Variants in TALDO1 observed in about 807,000 individuals in gnomAD.
TALDO1 encodes the protein transaldolase.
In TALDO1, 29 loss-of-function variants were observed where a neutral mutation model predicts 38.1. The ratio of observed to expected loss-of-function variants is 0.76; its 90% CI spans 0.57 to 1.04. The LOEUF (loss-of-function observed/expected upper bound fraction) is 1.04. Ranked by LOEUF, TALDO1 falls within the 50% of genes least tolerant of loss-of-function variation. The pLI is 0.00. For missense variants in TALDO1, 499 were observed against 438.1 expected (o/e 1.14, Z -1.24); for synonymous variants, 207 against 176.8 (o/e 1.17, Z -1.36).
chr11:750,804 G>A (rs1387547904), intron 1 of TALDO1, among the ~76,000 whole-genome samples: 7 of 151,190 alleles, frequency 4.6e-5, no homozygotes, highest in South Asian at 2.1e-4. Flanking sequence ...CAGCCTGGGC[G>A]ACAGAGCGAG....
At chr11:760,099 A>G in intron 3 of TALDO1, 23 bp from the exon 4 acceptor site, 1 of 1,613,244 alleles carries the variant, frequency 6.2e-7, no homozygotes, top group Admixed American at 1.7e-5. Flanking sequence ...ATCTGAGGGG[A>G]TGGGTTCTTC....
At chr11:763,164 G>T (rs1590071380) in intron 4 of TALDO1, among the ~76,000 whole-genome samples, 180 bp from the exon 5 acceptor site, 1 of 143,070 alleles carries the variant, frequency 7.0e-6, no homozygotes, top group Non-Finnish European at 1.6e-5. Context: ...GTGGCTCTGG[G>T]TGGGCACCTG....
rs1356076567 is a variant in TALDO1, at chr11:759,179, A to T, written c.329+122A>T. ...GTCTTCATCCCAAGGGCCCAAGAGG[A>T]GGTTTATTTTGAGCTCTCCCACAGT... On this transcript the variant is annotated intron_variant, in intron 3 of 7. Coordinates refer to ENST00000319006, the MANE Select transcript of TALDO1 (RefSeq NM_006755.2). The T allele has an allele frequency of 1.3e-5, 11 of 837,920 alleles. No homozygotes were observed. The Admixed American group carries it at 2.2e-4, about 17-fold the overall frequency. 51.9% of individuals were successfully genotyped at this position (837,920 alleles called of 1,614,324 possible). A position where few individuals can be genotyped will look rare whatever the true frequency, so the allele number is the denominator to read the frequency against.
At chr11:761,356 AAAG>A (rs1014873062) in intron 4 of TALDO1, among the ~76,000 whole-genome samples, 2 of 151,214 alleles carry the variant, frequency 1.3e-5, no homozygotes, top group Non-Finnish European at 2.9e-5. Context: ...AAAAAAAAGA[AAAG>A]AAAAACTAGC....
intron 4 of TALDO1, among the ~76,000 whole-genome samples, chr11:761,935 A>G (rs1209075133): frequency 6.6e-6 from 1 of 151,832 alleles, no homozygotes; most frequent in Non-Finnish European, 1.5e-5. Context: ...TATAGGCATG[A>G]GCCATTGTGC....
At chr11:759,746 AT>A (rs1433887045) in intron 3 of TALDO1, among the ~76,000 whole-genome samples, 1 of 151,872 alleles carries the variant, frequency 6.6e-6, no homozygotes. Flanking sequence ...TACCCAGCTA[AT>A]TTTTTTGTAT....
intron 1 of TALDO1, among the ~76,000 whole-genome samples, chr11:749,784 G>C (rs1364730422): frequency 6.6e-6 from 1 of 152,216 alleles, no homozygotes; most frequent in Admixed American, 6.5e-5. Flanking sequence ...GACGAAATGG[G>C]CTGTTTTCAG....
rs779192994 is a variant in TALDO1, at chr11:763,419, C to A, written c.537C>A (p.Ala179=). The A allele has an allele frequency of 6.2e-7, 1 of 1,613,398 alleles. No homozygotes were observed. Among genetic ancestry groups the A allele is most frequent in the East Asian group, 2.2e-5 (1 of 44,844 alleles). Reference sequence around the variant, plus strand: ...CCTTCGCCCAGGCTGTGGCCTGTGCCGAGGCGGGTGTGACCCTCATCTCCC... The same window carrying A: ...CCTTCGCCCAGGCTGTGGCCTGTGCAGAGGCGGGTGTGACCCTCATCTCCC... The part of the protein sequence containing the change: ...LFSFAQAVAC[A]EAGVTLISPF... The change falls in exon 5 of 8, where the codon GCC becomes GCA. Residue 179 remains alanine, a synonymous_variant. Transcript: ENST00000319006.
Position 763,350 on chromosome 11 carries a change from CGAG to C in TALDO1, c.472_474del (p.Glu158del). 1 of 1,607,632 alleles carries C rather than the reference CGAG, an allele frequency of 6.2e-7. No individual in the cohort carries two copies. The highest frequency in any genetic ancestry group is 8.5e-7 in the Non-Finnish European group (1 of 1,177,894). ...ACCTGTCCCCGCCCCGCAGGGAGCT[CGAG>C]GAGCAGCACGGCATCCACTGCAACA... On this transcript the variant is annotated inframe_deletion, in exon 5 of 8. Transcript: ENST00000319006.
chr11:761,621 C>T (rs576308169), intron 4 of TALDO1, among the ~76,000 whole-genome samples: 2 of 152,332 alleles, frequency 1.3e-5, no homozygotes, highest in East Asian at 1.9e-4. Flanking sequence ...TCAAATAATT[C>T]GCATCAGGAA....
rs149272637 is a variant in TALDO1 at position 751,591 on chromosome 11, C to T, written c.97+4013C>T. 1.5e-3 allele frequency among the ~76,000 whole-genome samples: 222 copies of T among 152,166 alleles called. 1 individual carries two copies. The highest frequency in any genetic ancestry group is 5.2e-3 in the African/African-American group (217 of 41,516). On this transcript the variant is annotated intron_variant, in intron 1 of 7. Coordinates refer to ENST00000319006, the MANE Select transcript of TALDO1 (RefSeq NM_006755.2). Reference sequence around the variant, plus strand: ...GGTGGATCACCTGAGGTCAAGAGATCGAGACCAGCCTGGCCAACATGGTGA... The same window carrying T: ...GGTGGATCACCTGAGGTCAAGAGATTGAGACCAGCCTGGCCAACATGGTGA...
intron 5 of TALDO1, 27 bp from the exon 6 acceptor site, chr11:763,720 C>G: frequency 1.2e-6 from 2 of 1,613,332 alleles, no homozygotes; most frequent in Non-Finnish European, 1.7e-6. Context: ...CCGAAGCCTT[C>G]CTGGTCACAG....
In TALDO1 at chr11:760,111, T is replaced by C; in HGVS notation, c.330-11T>C. On this transcript the variant is annotated splice_polypyrimidine_tract_variant and intron_variant, in intron 3 of 7. Transcript: ENST00000319006. ...GTGATCTGAGGGGATGGGTTCTTCT[T>C]GCTCCTACAGGCTCTCCTTTGATAA... 1 of 1,613,806 alleles carries C rather than the reference T, an allele frequency of 6.2e-7. No homozygotes were observed. Among genetic ancestry groups the C allele is most frequent in the South Asian group, 1.1e-5 (1 of 91,052 alleles).
Position 760,236 on chromosome 11 carries a change from AGGAATTCAGGCT to A in TALDO1, c.449_460del (p.Ile150_Gly153del). The stretch of plus-strand genomic sequence containing the variant: ...TTATAAAGCTGTCATCAACCTGGGA[AGGAATTCAGGCT>A]GGAAAGTAAGTGGTCCCCCACAAGG... On this transcript the variant is annotated inframe_deletion, in exon 4 of 8. Transcript: ENST00000319006. 6.2e-7 allele frequency: 1 copy of A among 1,614,110 alleles called. No homozygotes were observed. Among genetic ancestry groups the A allele is most frequent in the Non-Finnish European group, 8.5e-7 (1 of 1,179,994 alleles).
At chr11:753,501 G>A (rs933402923) in intron 1 of TALDO1, among the ~76,000 whole-genome samples, 8 of 151,818 alleles carry the variant, frequency 5.3e-5, no homozygotes, top group Non-Finnish European at 7.4e-5. Flanking sequence ...ACTGCAGTCC[G>A]GCGTGGGTGA....
chr11:749,429 A>C (rs1480691301), intron 1 of TALDO1, among the ~76,000 whole-genome samples: 1 of 151,786 alleles, frequency 6.6e-6, no homozygotes, highest in African/African-American at 2.4e-5. Flanking sequence ...AATCTTCTAA[A>C]CCCAAGTTGT....
chr11:760,194 C>T lies in TALDO1; in HGVS notation c.402C>T (p.Ile134=), dbSNP rs886048663. The T allele has an allele frequency of 8.7e-6, 14 of 1,614,216 alleles. No individual in the cohort carries two copies. Among genetic ancestry groups the T allele is most frequent in the Non-Finnish European group, 1.2e-5 (14 of 1,180,038 alleles). Residue 134 remains isoleucine (I), a synonymous_variant, in exon 4 of 8, where the codon ATC becomes ATT. Coordinates refer to ENST00000319006, the MANE Select transcript of TALDO1 (RefSeq NM_006755.2). ...RLIELYKEAG[I]SKDRILIKLS... ...TCGAGCTCTACAAGGAAGCTGGGAT[C>T]AGCAAGGACCGAATTCTTATAAAGC...
intron 4 of TALDO1, chr11:760,588 T>G (rs1862911136): frequency 3.1e-6 from 1 of 325,874 alleles, no homozygotes; most frequent in Non-Finnish European, 6.0e-6. Flanking sequence ...TTTACATGAT[T>G]TTTAAAAAGT....
chr11:752,865 A>C (rs1208982664), intron 1 of TALDO1, among the ~76,000 whole-genome samples: 1 of 152,238 alleles, frequency 6.6e-6, no homozygotes, highest in African/African-American at 2.4e-5. Flanking sequence ...TCTGGAGCCC[A>C]GACTTGTGAC....
Sources: allele counts gnomAD v4.1 joint callset (sites outside exome capture counted in the v4.1 genomes callset), GRCh38; gene constraint gnomAD v4.1.1; transcripts MANE v1.5; gene names NCBI Gene and HGNC (gene_info 2026-07-23, HGNC 2026-07-21).